Variants in RBM25 observed in about 807,000 individuals in gnomAD.
RBM25 encodes RNA-binding protein 25.
In RBM25, 19 loss-of-function variants were observed where a neutral mutation model predicts 120.7. The ratio of observed to expected loss-of-function variants is 0.16; its 90% confidence interval spans 0.11 to 0.23. The LOEUF is 0.23. RBM25 is among the 10% of genes least tolerant of loss of function. The pLI is 1.00. For synonymous variants in RBM25, 390 were observed against 326.7 expected, an observed-to-expected ratio of 1.19 and a Z score of -2.09; for missense variants, 605 against 1,041.5, an observed-to-expected ratio of 0.58 and a Z score of 5.77.
At chr14:73,063,659 T>G (rs1025060903) in intron 1 of RBM25, among the ~76,000 whole-genome samples, 2 of 151,264 alleles carry the variant, frequency 1.3e-5, no homozygotes, top group Non-Finnish European at 3.0e-5. Context: ...TGATAGCACT[T>G]TCACCACTAC....
chr14:73,107,734 C>T, intron 12 of RBM25, 92 bp from the exon 13 acceptor site: 1 of 914,458 alleles, frequency 1.1e-6, no homozygotes. Flanking sequence ...TGGTTTATGT[C>T]TGGGTCAGAA....
At chr14:73,075,009 A>G (rs61985129) in intron 2 of RBM25, among the ~76,000 whole-genome samples, 1 of 149,544 alleles carries the variant, frequency 6.7e-6, no homozygotes, top group African/African-American at 2.5e-5. Flanking sequence ...TTTTTTTTAA[A>G]TAAAGAAATG....
Position 73,119,718 on chromosome 14 carries a change from T to C in RBM25, c.2445T>C (p.Leu815=). The part of the protein sequence containing the change: ...QSILDDVAMV[L]DEEAEVFIVK... ...CTGTTTTGTTTCCTCTTTAGGTACT[T>C]GATGAAGAAGCAGAAGTTTTTATAG... The change falls in exon 19 of 19, where the codon CTT becomes CTC. Residue 815 remains leucine (L), a synonymous_variant. Transcript: ENST00000261973. 6.2e-7 allele frequency: 1 copy of C among 1,611,640 alleles called. No individual in the cohort carries two copies. The highest frequency in any genetic ancestry group is 1.1e-5 in the South Asian group (1 of 90,114).
At chr14:73,117,199 T>TTCTTTTA (rs1196138352) in intron 18 of RBM25, among the ~76,000 whole-genome samples, 1 of 136,884 alleles carries the variant, frequency 7.3e-6, no homozygotes, top group African/African-American at 2.7e-5. Flanking sequence ...TTTTAATTTC[T>TTCTTTTA]TTCTTCTTTT....
intron 15 of RBM25, 135 bp from the exon 16 acceptor site, chr14:73,111,393 A>G: frequency 9.4e-7 from 1 of 1,064,884 alleles, no homozygotes; most frequent in Non-Finnish European, 1.3e-6. Context: ...GTGAGTAGTG[A>G]GTTATTTTTT....
intron 2 of RBM25, among the ~76,000 whole-genome samples, chr14:73,076,012 G>A (rs1034199247): frequency 2.0e-5 from 3 of 152,024 alleles, no homozygotes; most frequent in Non-Finnish European, 4.4e-5. Context: ...TTTGTGAAAG[G>A]CATTGGTTTT....
intron 1 of RBM25, among the ~76,000 whole-genome samples, chr14:73,071,159 T>C (rs1440573771): frequency 6.6e-6 from 1 of 151,056 alleles, no homozygotes; most frequent in Non-Finnish European, 1.5e-5. Flanking sequence ...GGAGAATCGC[T>C]TGAACCCGGG....
chr14:73,105,894 G>A lies in RBM25; in HGVS notation c.1190G>A (p.Arg397Gln), dbSNP rs1343993607. ...AGAGATCGTGAAAGGGAACGAGAGC[G>A]GGAAAGAGAGAGAGAGAGAGAACGA... is the stretch of plus-strand genomic sequence containing the variant. ...KSRDRERERE[R>Q]ERERERERER... Residue 397 changes from arginine (R) to glutamine (Q), a missense_variant, in exon 11 of 19, where the codon CGG becomes CAG. Arg to Gln is a conservative substitution (Grantham distance 43). This residue lies in a region of RBM25 where 465 missense variants were observed against 741.6 expected (regional missense o/e 0.63). Transcript: ENST00000261973. The A allele has an allele frequency of 5.6e-6, 9 of 1,612,748 alleles. No individual in the cohort carries two copies. Among genetic ancestry groups the A allele is most frequent in the South Asian group, 5.5e-5 (5 of 90,888 alleles).
chr14:73,080,081 T>C (rs1360588923), intron 4 of RBM25, among the ~76,000 whole-genome samples: 1 of 150,360 alleles, frequency 6.7e-6, no homozygotes, highest in African/African-American at 2.4e-5. Flanking sequence ...AAGATTCTCA[T>C]CACAAATTCT....
intron 4 of RBM25, among the ~76,000 whole-genome samples, chr14:73,078,630 C>T (rs1352845506): frequency 2.6e-5 from 4 of 152,070 alleles, no homozygotes; most frequent in Non-Finnish European, 1.5e-5. Flanking sequence ...ACTTTTGAGA[C>T]AGATTTGCTC....
chr14:73,060,258 C>G (rs946757749), intron 1 of RBM25, among the ~76,000 whole-genome samples: 2 of 151,316 alleles, frequency 1.3e-5, no homozygotes, highest in African/African-American at 4.8e-5. Flanking sequence ...AGAATGGTCT[C>G]GATTTCCTGA....
chr14:73,060,580 T>C (rs1894981421), intron 1 of RBM25, among the ~76,000 whole-genome samples: 1 of 151,564 alleles, frequency 6.6e-6, no homozygotes, highest in Non-Finnish European at 1.5e-5. Flanking sequence ...CTTGATTGAC[T>C]TTTCAAACAC....
intron 18 of RBM25, among the ~76,000 whole-genome samples, chr14:73,118,693 T>A (rs531477864): frequency 1.5e-4 from 23 of 152,154 alleles, no homozygotes; most frequent in Admixed American, 1.4e-3. Flanking sequence ...CACAAAAATA[T>A]GGTACTCTTT....
chr14:73,090,753 G>T (rs986747676), intron 6 of RBM25, among the ~76,000 whole-genome samples: 1 of 152,152 alleles, frequency 6.6e-6, no homozygotes, highest in African/African-American at 2.4e-5. Flanking sequence ...TGATAAGTTT[G>T]TGGGCTGTGT....
intron 4 of RBM25, among the ~76,000 whole-genome samples, chr14:73,078,708 G>T (rs1331943032): frequency 1.3e-5 from 2 of 152,162 alleles, no homozygotes; most frequent in Non-Finnish European, 2.9e-5. Context: ...GTATTTAAGT[G>T]ATTCTCATGC....
At chr14:73,101,960 C>T (rs765495298) in intron 9 of RBM25, 5 of 152,112 alleles carry the variant, frequency 3.3e-5, no homozygotes, top group Non-Finnish European at 7.4e-5. Flanking sequence ...TGACTTTGCC[C>T]GTATTCTACT....
intron 14 of RBM25, among the ~76,000 whole-genome samples, chr14:73,110,196 TC>T (rs1483993386): frequency 6.6e-6 from 1 of 151,326 alleles, no homozygotes; most frequent in Non-Finnish European, 1.5e-5. Flanking sequence ...TTTTTTTTTT[TC>T]CCTGAGACAG....
At chr14:73,087,960 A>T (rs1470547334) in intron 5 of RBM25, 41 bp from the exon 6 acceptor site, 1 of 1,575,040 alleles carries the variant, frequency 6.3e-7, no homozygotes, top group Non-Finnish European at 8.6e-7. Flanking sequence ...TTCTTTTGTA[A>T]GTGAATTGGT....
rs1896556380 is a variant in RBM25, at chr14:73,122,591, T to TA, written c.*2788dup. On this transcript the variant is annotated 3_prime_UTR_variant, in exon 19 of 19. Transcript: ENST00000261973. Reference sequence around the variant, plus strand: ...TTGCCTGGCCAAAGCGTGAACATCTTAAGAACCAGTCTTGATCTGGCAAAA... The same window carrying TA: ...TTGCCTGGCCAAAGCGTGAACATCTTAAAGAACCAGTCTTGATCTGGCAAAA... 2 of 152,202 alleles carry TA rather than the reference T, an allele frequency of 1.3e-5. No individual in the cohort carries two copies. The highest frequency in any genetic ancestry group is 4.8e-5 in the African/African-American group (2 of 41,438). The allele number at this position is 152,202 out of a possible 1,614,324, so 9.4% of individuals were successfully genotyped here. A position where few individuals can be genotyped will look rare whatever the true frequency, so the allele number is the denominator to read the frequency against.
Sources: gnomAD v4.1 joint callset for allele counts (sites outside exome capture counted in the v4.1 genomes callset) on GRCh38, gnomAD v4.1.1 for gene constraint, gnomAD v4.1.1 regional missense constraint, MANE v1.5 for transcripts, NCBI Gene and HGNC (gene_info 2026-07-23, HGNC 2026-07-21) for gene names.